SEMA5A: variants seen among roughly 807,000 people sequenced by gnomAD.
SEMA5A encodes the protein semaphorin-5A.
In SEMA5A, 55 loss-of-function variants were observed where a neutral mutation model predicts 135.5. The observed-to-expected ratio is 0.41, with a 90% confidence interval of 0.33 to 0.51. The LOEUF is 0.51. SEMA5A is among the 20% of genes least tolerant of loss of function. SEMA5A has a pLI of 0.37. For synonymous variants in SEMA5A, 580 were observed against 546.5 expected (o/e 1.06, Z -0.85); for missense variants, 1,290 against 1,419.9 (o/e 0.91, Z 1.47).
chr5:9,207,700 CT>C (rs1191759658), intron 8 of SEMA5A, among the ~76,000 whole-genome samples: 1 of 152,136 alleles, frequency 6.6e-6, no homozygotes, highest in Non-Finnish European at 1.5e-5. Flanking sequence ...GATAAAACTG[CT>C]GTAGAAGCTT....
chr5:9,515,400 G>A (rs1736453528), intron 1 of SEMA5A, among the ~76,000 whole-genome samples: 1 of 152,200 alleles, frequency 6.6e-6, no homozygotes, highest in Non-Finnish European at 1.5e-5. Context: ...ACTTAAAAAT[G>A]CCTTTAAAAG....
intron 16 of SEMA5A, among the ~76,000 whole-genome samples, chr5:9,084,980 G>C (rs539272303): frequency 6.6e-6 from 1 of 152,284 alleles, no homozygotes; most frequent in African/African-American, 2.4e-5. Context: ...GAGCAAAGGT[G>C]ACTCTCATTA....
intron 2 of SEMA5A, among the ~76,000 whole-genome samples, chr5:9,431,588 C>T (rs1168985478): frequency 6.6e-6 from 1 of 151,722 alleles, no homozygotes; most frequent in Non-Finnish European, 1.5e-5. Flanking sequence ...TGCAGCCCTG[C>T]AGCTATAGAG....
At chr5:9,191,850 T>G (rs1013843663) in intron 10 of SEMA5A, among the ~76,000 whole-genome samples, 22 of 151,744 alleles carry the variant, frequency 1.4e-4, no homozygotes, top group African/African-American at 5.3e-4. Flanking sequence ...AGTGTGAGTT[T>G]AGGTGAAGGG....
intron 11 of SEMA5A, among the ~76,000 whole-genome samples, chr5:9,168,125 G>C (rs1052833047): frequency 2.0e-5 from 3 of 152,042 alleles, no homozygotes; most frequent in African/African-American, 7.2e-5. Context: ...ATGGAGTGGG[G>C]TGGGGATCTG....
chr5:9,428,118 T>C (rs397832419), intron 2 of SEMA5A, among the ~76,000 whole-genome samples: 25 of 119,718 alleles, frequency 2.1e-4, no homozygotes, highest in African/African-American at 6.8e-4. Context: ...ATATATATAT[T>C]CAACTCTATC....
chr5:9,225,377 C>A (rs548194441), intron 7 of SEMA5A, among the ~76,000 whole-genome samples: 97 of 118,992 alleles, frequency 8.2e-4, no homozygotes, highest in African/African-American at 3.1e-3. Context: ...CACGGTGAAA[C>A]CCCATCTCTA....
intron 16 of SEMA5A, among the ~76,000 whole-genome samples, chr5:9,095,992 C>T (rs888209872): frequency 3.9e-5 from 6 of 152,216 alleles, no homozygotes; most frequent in African/African-American, 1.4e-4. Flanking sequence ...AGGTGCTTTA[C>T]GAGGTAGTGA....
At chr5:9,071,223 C>T (rs574379839) in intron 16 of SEMA5A, among the ~76,000 whole-genome samples, 3 of 152,214 alleles carry the variant, frequency 2.0e-5, no homozygotes, top group Admixed American at 6.5e-5. Context: ...TCCTGCAACC[C>T]GGGAGACACT....
At chr5:9,191,281 G>T (rs1346342261) in intron 10 of SEMA5A, among the ~76,000 whole-genome samples, 1 of 152,130 alleles carries the variant, frequency 6.6e-6, no homozygotes, top group Admixed American at 6.5e-5. Flanking sequence ...TACAATGCTG[G>T]GAAATAAATT....
chr5:9,482,254 A>C (rs888484665), intron 1 of SEMA5A, among the ~76,000 whole-genome samples: 8 of 152,178 alleles, frequency 5.3e-5, no homozygotes, highest in Non-Finnish European at 1.2e-4. Context: ...CATCTATAGC[A>C]TGTGTCCAAA....
At chr5:9,478,460 T>C (rs547653981) in intron 1 of SEMA5A, among the ~76,000 whole-genome samples, 1 of 152,310 alleles carries the variant, frequency 6.6e-6, no homozygotes, top group South Asian at 2.1e-4. Context: ...TGAATGCAGC[T>C]ACAGGGGCTG....
chr5:9,336,244 T>A (rs533237505), intron 4 of SEMA5A, among the ~76,000 whole-genome samples: 4 of 152,182 alleles, frequency 2.6e-5, no homozygotes, highest in Admixed American at 2.0e-4. Flanking sequence ...TAATTCCACA[T>A]GCCTGGACCA....
intron 1 of SEMA5A, among the ~76,000 whole-genome samples, chr5:9,471,044 A>T (rs930799368): frequency 6.6e-6 from 1 of 152,178 alleles, no homozygotes; most frequent in Non-Finnish European, 1.5e-5. Context: ...AAAGAAAAAC[A>T]ATGTAATGTT....
chr5:9,337,029 A>G (rs914099749), intron 4 of SEMA5A, among the ~76,000 whole-genome samples: 2 of 152,204 alleles, frequency 1.3e-5, no homozygotes, highest in Admixed American at 6.5e-5. Flanking sequence ...CAGGTTTTCT[A>G]AGGAAGTGAT....
In SEMA5A at chr5:9,040,576, C is replaced by T. The variant is rs1735906030; in HGVS notation, c.*2321G>A. 1 of 152,156 alleles carries T rather than the reference C, an allele frequency of 6.6e-6. No homozygotes were observed. The highest frequency in any genetic ancestry group is 2.4e-5 in the African/African-American group (1 of 41,442). The allele number at this position is 152,156 out of a possible 1,614,324, so 9.4% of individuals were successfully genotyped here. A position where few individuals can be genotyped will look rare whatever the true frequency, so the allele number is the denominator to read the frequency against. Reference sequence around the variant, plus strand: ...AGAGAGAGAAAGGAAGAGAGATAAACAATTTTCCTTTGAACAGTGTGGTAC... The same window carrying T: ...AGAGAGAGAAAGGAAGAGAGATAAATAATTTTCCTTTGAACAGTGTGGTAC... On this transcript the variant is annotated 3_prime_UTR_variant, in exon 23 of 23. Coordinates refer to ENST00000382496, the MANE Select transcript of SEMA5A (RefSeq NM_003966.3).
At chr5:9,464,853 A>G (rs533996055) in intron 1 of SEMA5A, among the ~76,000 whole-genome samples, 2 of 152,260 alleles carry the variant, frequency 1.3e-5, no homozygotes, top group Non-Finnish European at 2.9e-5. Flanking sequence ...CTTTTGGAGC[A>G]GATGCCAGTG....
At chr5:9,454,945 G>A (rs1758775938) in intron 1 of SEMA5A, among the ~76,000 whole-genome samples, 1 of 152,108 alleles carries the variant, frequency 6.6e-6, no homozygotes, top group Non-Finnish European at 1.5e-5. Context: ...CTAATAAAGG[G>A]ATACACGTAC....
At chr5:9,532,085 C>A (rs879441530) in intron 1 of SEMA5A, among the ~76,000 whole-genome samples, 10 of 152,190 alleles carry the variant, frequency 6.6e-5, no homozygotes, top group Admixed American at 1.3e-4. Flanking sequence ...GAATAAGGCA[C>A]AATAATTCAC....
Sources: gnomAD v4.1 joint callset for allele counts (sites outside exome capture counted in the v4.1 genomes callset) on GRCh38, gnomAD v4.1.1 for gene constraint, MANE v1.5 for transcripts, NCBI Gene and HGNC (gene_info 2026-07-23, HGNC 2026-07-21) for gene names.